The following FHIT variants were observed in gnomAD, a reference collection of about 807,000 sequenced individuals.
FHIT encodes the protein bis(5'-adenosyl)-triphosphatase.
A neutral mutation model predicts 17.9 loss-of-function variants in FHIT; 19 were observed. The ratio of observed to expected loss-of-function variants is 1.06; its 90% CI spans 0.74 to 1.56. The LOEUF is 1.56. Among genes scored for constraint, FHIT ranks in the 40% most tolerant of loss-of-function variants. FHIT has a pLI of 0.00. For synonymous variants in FHIT, 81 were observed against 69.7 expected, an observed-to-expected ratio of 1.16 and a Z score of -0.81; for missense variants, 248 against 189.2, an observed-to-expected ratio of 1.31 and a Z score of -1.82.
intron 3 of FHIT, among the ~76,000 whole-genome samples, chr3:60,995,816 G>T (rs376038033): frequency 1.3e-5 from 2 of 152,020 alleles, no homozygotes; most frequent in African/African-American, 4.8e-5. Flanking sequence ...TCTGGAAAAA[G>T]GATTTTTAAA....
chr3:59,944,204 A>G (rs1355430812), intron 7 of FHIT, among the ~76,000 whole-genome samples: 2 of 152,236 alleles, frequency 1.3e-5, no homozygotes, highest in African/African-American at 4.8e-5. Flanking sequence ...TTTATAAAAT[A>G]TAACATACCT....
intron 7 of FHIT, among the ~76,000 whole-genome samples, chr3:60,011,009 A>G (rs2106680231): frequency 6.6e-6 from 1 of 152,316 alleles, no homozygotes; most frequent in Non-Finnish European, 1.5e-5. Flanking sequence ...AGGTGTGTCA[A>G]AGACACCCCA....
At chr3:60,346,028 A>T (rs1431521549) in intron 5 of FHIT, among the ~76,000 whole-genome samples, 1 of 152,148 alleles carries the variant, frequency 6.6e-6, no homozygotes, top group Non-Finnish European at 1.5e-5. Context: ...TCCTTTTAAG[A>T]TTTCATTTCC....
intron 5 of FHIT, among the ~76,000 whole-genome samples, chr3:60,445,827 C>G (rs1157711866): frequency 1.3e-5 from 2 of 151,616 alleles, no homozygotes; most frequent in African/African-American, 4.9e-5. Flanking sequence ...TATAGCAAGA[C>G]TCCCTGTTAT....
intron 3 of FHIT, among the ~76,000 whole-genome samples, chr3:60,962,367 C>A (rs2107500795): frequency 6.6e-6 from 1 of 152,310 alleles, no homozygotes; most frequent in East Asian, 1.9e-4. Flanking sequence ...ACAGTCATGT[C>A]ATCTGCAAAC....
chr3:61,220,853 A>T (rs944370584), intron 1 of FHIT, among the ~76,000 whole-genome samples: 13 of 152,222 alleles, frequency 8.5e-5, no homozygotes, highest in African/African-American at 3.1e-4. Context: ...TCACAAAACA[A>T]TAAGTTATCT....
intron 7 of FHIT, among the ~76,000 whole-genome samples, chr3:59,986,510 T>TTTATACATTTATATAA (rs1559523242): frequency 3.4e-4 from 1 of 2,956 alleles, no homozygotes; most frequent in Non-Finnish European, 8.0e-4. Context: ...TATATATATA[T>TTTATACATTTATATAA]ATATATATAT....
chr3:60,559,744 A>C (rs1327620605), intron 4 of FHIT, among the ~76,000 whole-genome samples: 1 of 104,016 alleles, frequency 9.6e-6, no homozygotes, highest in African/African-American at 3.7e-5. Context: ...AGAAGATGAG[A>C]AAAAGCATGT....
Position 59,991,930 on chromosome 3 carries a change from T to C in FHIT, c.279+19441A>G, listed in dbSNP as rs535593112. ...CAGAAACTTCCCTTGAACTCTTTAA[T>C]TATGTGACCCAATAAATCATCCATT... On this transcript the variant is annotated intron_variant, in intron 7 of 9. Coordinates refer to ENST00000492590, the MANE Select transcript of FHIT (RefSeq NM_002012.4). 1.3e-3 allele frequency among the ~76,000 whole-genome samples: 203 copies of C among 152,196 alleles called. 2 individuals are homozygous for C. The highest frequency in any genetic ancestry group is 4.8e-3 in the African/African-American group (198 of 41,566).
chr3:61,039,449 G>A (rs1009059417), intron 3 of FHIT, among the ~76,000 whole-genome samples: 11 of 152,166 alleles, frequency 7.2e-5, no homozygotes, highest in East Asian at 1.9e-4. Flanking sequence ...TTTAAAACTT[G>A]CGAGGGATTT....
chr3:59,803,058 C>CA (rs1700061749), intron 8 of FHIT, among the ~76,000 whole-genome samples: 2 of 152,160 alleles, frequency 1.3e-5, no homozygotes, highest in Non-Finnish European at 2.9e-5. Flanking sequence ...CTGAATGGTG[C>CA]ATACATACCA....
chr3:59,788,263 A>G (rs946950161), intron 8 of FHIT, among the ~76,000 whole-genome samples: 2 of 152,148 alleles, frequency 1.3e-5, no homozygotes, highest in Non-Finnish European at 2.9e-5. Context: ...GTGAACTGCA[A>G]TCATTTGAAC....
chr3:60,847,102 G>C (rs1339912367), intron 3 of FHIT, among the ~76,000 whole-genome samples: 1 of 152,164 alleles, frequency 6.6e-6, no homozygotes, highest in African/African-American at 2.4e-5. Context: ...AGGATTAAAG[G>C]CATGAGCCAA....
rs114527575 is a variant in FHIT, at chr3:60,710,445, T to A, written c.-18+111474A>T. Among the ~76,000 whole-genome samples the A allele has an allele frequency of 6.7e-3, 1,021 of 152,284 alleles. 12 individuals carry two copies. Among genetic ancestry groups the A allele is most frequent in the African/African-American group, 0.024 (982 of 41,560 alleles). On this transcript the variant is annotated intron_variant, in intron 4 of 9. Transcript: ENST00000492590. Reference sequence around the variant, plus strand: ...GCAGGAGAGTGGGTGCAGTGCACCGTGCACCAGCTGAAGCAGGGCAAGGCA... The same window carrying A: ...GCAGGAGAGTGGGTGCAGTGCACCGAGCACCAGCTGAAGCAGGGCAAGGCA...
intron 2 of FHIT, among the ~76,000 whole-genome samples, chr3:61,165,366 G>T (rs529257232): frequency 6.6e-6 from 1 of 152,176 alleles, no homozygotes; most frequent in East Asian, 1.9e-4. Flanking sequence ...CTGTGGTTTT[G>T]ATTTGCATTT....
At chr3:60,063,850 G>A (rs1048027761) in intron 5 of FHIT, among the ~76,000 whole-genome samples, 2 of 152,146 alleles carry the variant, frequency 1.3e-5, no homozygotes, top group East Asian at 1.9e-4. Context: ...ACCATCCATT[G>A]GGTTAAACGC....
chr3:60,285,116 G>A (rs1408063315), intron 5 of FHIT, among the ~76,000 whole-genome samples: 1 of 151,966 alleles, frequency 6.6e-6, no homozygotes, highest in Non-Finnish European at 1.5e-5. Flanking sequence ...GAAGTACCCA[G>A]GTCCTCAAAA....
At chr3:61,002,932 G>C (rs1294114327) in intron 3 of FHIT, among the ~76,000 whole-genome samples, 1 of 151,936 alleles carries the variant, frequency 6.6e-6, no homozygotes, top group African/African-American at 2.4e-5. Flanking sequence ...GCAGTTCCTG[G>C]GTTGCACTTC....
chr3:60,069,792 A>C (rs775275795), intron 5 of FHIT, among the ~76,000 whole-genome samples: 1 of 152,194 alleles, frequency 6.6e-6, no homozygotes, highest in Non-Finnish European at 1.5e-5. Context: ...TAAAACAGTC[A>C]TACTTTCCAT....
Sources: gnomAD v4.1 joint callset for allele counts (sites outside exome capture counted in the v4.1 genomes callset) on GRCh38, gnomAD v4.1.1 for gene constraint, MANE v1.5 for transcripts, NCBI Gene and HGNC (gene_info 2026-07-23, HGNC 2026-07-21) for gene names.